The following TPH2 variants were observed in gnomAD, a reference collection of about 807,000 sequenced individuals.
TPH2 encodes the protein tryptophan hydroxylase 2, also known as tryptophan 5-hydroxylase 2.
Under a neutral mutation model 59.1 loss-of-function variants are expected in TPH2, and 27 were observed. The observed-to-expected ratio is 0.46, with a 90% CI of 0.34 to 0.63. The LOEUF (loss-of-function observed/expected upper bound fraction) is 0.63. Among genes scored for constraint, TPH2 ranks in the 30% least tolerant of loss-of-function variants. The pLI is 0.01. For synonymous variants in TPH2, 220 were observed against 210.5 expected, an observed-to-expected ratio of 1.05 and a Z score of -0.39; for missense variants, 523 against 588.3, an observed-to-expected ratio of 0.89 and a Z score of 1.15.
chr12:71,939,122 A>G, intron 1 of TPH2, 31 bp downstream of exon 1: 1 of 1,552,428 alleles, frequency 6.4e-7, no homozygotes, highest in Non-Finnish European at 8.9e-7. Context: ...ACTATGGAGA[A>G]TTATTTTTTA....
chr12:72,017,723 T>C (rs1873297915), intron 8 of TPH2, among the ~76,000 whole-genome samples: 1 of 152,236 alleles, frequency 6.6e-6, no homozygotes, highest in African/African-American at 2.4e-5. Flanking sequence ...CTAGGGAATA[T>C]ATTATAGATC....
rs181099467 is a variant in TPH2 at position 71,948,274 on chromosome 12, T to G, written c.541-1314T>G. 3.2e-3 allele frequency among the ~76,000 whole-genome samples: 487 copies of G among 152,260 alleles called. 1 individual carries two copies. The highest frequency in any genetic ancestry group is 0.017 in the Middle Eastern group (5 of 294). On this transcript the variant is annotated intron_variant, in intron 4 of 10. Coordinates refer to ENST00000333850, the MANE Select transcript of TPH2 (RefSeq NM_173353.4). ...TTTTAGGACTTCACAAGCCTGCCTA[T>G]GAACCCCAGTTTAAAAACTCCCAAT...
At chr12:72,027,893 A>C (rs2139250230) in intron 9 of TPH2, among the ~76,000 whole-genome samples, 1 of 152,178 alleles carries the variant, frequency 6.6e-6, no homozygotes, top group Non-Finnish European at 1.5e-5. Flanking sequence ...TTTCAAGAAG[A>C]GTCTTAGAAT....
chr12:72,031,262 C>T lies in TPH2; in HGVS notation c.1169C>T (p.Ala390Val), dbSNP rs1686188711. 6.2e-7 allele frequency: 1 copy of T among 1,613,250 alleles called. No individual in the cohort carries two copies. Among genetic ancestry groups the T allele is most frequent in the Non-Finnish European group, 8.5e-7 (1 of 1,179,472 alleles). Reference protein sequence around the residue: ...LLSSIGELKHALSDKACVKAF... With the variant: ...LLSSIGELKHVLSDKACVKAF... Reference sequence around the variant, plus strand: ...GTTTTGTGGTATATTTTGCAGCACGCCCTTTCTGACAAGGCATGTGTGAAA... The same window carrying T: ...GTTTTGTGGTATATTTTGCAGCACGTCCTTTCTGACAAGGCATGTGTGAAA... Residue 390 changes from alanine to valine, a missense_variant, in exon 10 of 11, where the codon GCC becomes GTC. Physicochemically the swap from Ala to Val is moderately conservative, Grantham distance 64. Coordinates refer to ENST00000333850, the MANE Select transcript of TPH2 (RefSeq NM_173353.4).
intron 9 of TPH2, 27 bp downstream of exon 9, chr12:72,022,521 T>G (rs368657558): frequency 6.6e-7 from 1 of 1,511,870 alleles, no homozygotes; most frequent in South Asian, 1.1e-5. Context: ...GAAAATACCC[T>G]TCCCATGCAA....
intron 7 of TPH2, among the ~76,000 whole-genome samples, chr12:71,993,306 C>G (rs1872621350): frequency 6.6e-6 from 1 of 152,162 alleles, no homozygotes; most frequent in South Asian, 2.1e-4. Context: ...TGTATTCTAG[C>G]AGCTATTTGA....
At position 72,007,791 on chromosome 12, in the gene TPH2, A is replaced by T. The variant is rs141953300; in HGVS notation, c.1068+13226A>T. On this transcript the variant is annotated intron_variant, in intron 8 of 10. Coordinates refer to ENST00000333850, the MANE Select transcript of TPH2 (RefSeq NM_173353.4). ...ACTTTTTCCTCTTTCAAATCTAATT[A>T]AAGAGTCTTAGTTCTTCCAAGAAAA... Among the ~76,000 whole-genome samples the T allele has an allele frequency of 2.0e-3, 300 of 152,050 alleles. 2 individuals carry two copies. Among genetic ancestry groups the T allele is most frequent in the African/African-American group, 6.3e-3 (262 of 41,446 alleles).
chr12:72,000,073 T>C (rs1872783978), intron 8 of TPH2, among the ~76,000 whole-genome samples: 3 of 152,168 alleles, frequency 2.0e-5, no homozygotes, highest in East Asian at 1.9e-4. Context: ...GCATTGAACA[T>C]GTGTCAAAGA....
rs781560356 is a variant in TPH2 at position 72,031,323 on chromosome 12, C to T, written c.1230C>T (p.Cys410=). ...FDPKTTCLQE[C]LITTFQEAYF... Reference sequence around the variant, plus strand: ...CAAAGACAACTTGCTTACAGGAATGCCTTATCACCACCTTCCAGGAAGCCT... The same window carrying T: ...CAAAGACAACTTGCTTACAGGAATGTCTTATCACCACCTTCCAGGAAGCCT... The change falls in exon 10 of 11, where the codon TGC becomes TGT. Residue 410 remains cysteine (C), a synonymous_variant. Coordinates refer to ENST00000333850, the MANE Select transcript of TPH2 (RefSeq NM_173353.4). The T allele has an allele frequency of 6.2e-7, 1 of 1,613,652 alleles. No individual in the cohort carries two copies. Among genetic ancestry groups the T allele is most frequent in the Non-Finnish European group, 8.5e-7 (1 of 1,179,668 alleles).
At chr12:71,970,533 C>T (rs1203942955) in intron 5 of TPH2, among the ~76,000 whole-genome samples, 1 of 152,224 alleles carries the variant, frequency 6.6e-6, no homozygotes, top group Non-Finnish European at 1.5e-5. Flanking sequence ...CTCAATATTT[C>T]CTTTATTGTC....
Position 71,973,758 on chromosome 12 carries a change from G to A in TPH2, c.805+1043G>A, listed in dbSNP as rs1872039793. Among the ~76,000 whole-genome samples, 4 of 152,174 alleles carry A rather than the reference G, an allele frequency of 2.6e-5. No individual in the cohort carries two copies. The South Asian group carries it at 8.3e-4, about 32-fold the overall frequency. On this transcript the variant is annotated intron_variant, in intron 6 of 10. Transcript: ENST00000333850. ...AATCCTCACTTGGGGTCTGGAATGG[G>A]ACCCCTTTCTGGTCACACAACTAGT...
chr12:71,966,838 GTTC>G (rs569889101), intron 5 of TPH2, among the ~76,000 whole-genome samples: 239 of 152,224 alleles, frequency 1.6e-3, no homozygotes, highest in African/African-American at 5.2e-3. Context: ...CCACACTGAA[GTTC>G]TTCTAAAGAT....
intron 7 of TPH2, among the ~76,000 whole-genome samples, chr12:71,982,012 C>T (rs1368147763): frequency 4.8e-4 from 26 of 53,986 alleles, no homozygotes; most frequent in Admixed American, 1.4e-3. Flanking sequence ...TCATATCATT[C>T]GTATTTTTTT....
chr12:71,946,293 G>T (rs2129575), intron 4 of TPH2, among the ~76,000 whole-genome samples: 39,065 of 152,032 alleles, frequency 0.26, 5,446 homozygotes, highest in East Asian at 0.53. Flanking sequence ...GGACACTAAA[G>T]GATTTTTTGA....
intron 4 of TPH2, among the ~76,000 whole-genome samples, chr12:71,946,205 A>T (rs1871192973): frequency 6.6e-6 from 1 of 152,208 alleles, no homozygotes; most frequent in African/African-American, 2.4e-5. Context: ...TAATAAAACA[A>T]CTGGAAAGCA....
intron 8 of TPH2, among the ~76,000 whole-genome samples, chr12:72,014,239 A>G (rs570129784): frequency 6.6e-6 from 1 of 152,304 alleles, no homozygotes; most frequent in South Asian, 2.1e-4. Flanking sequence ...ACTCTGGACC[A>G]GCCCTAACAT....
Position 71,949,442 on chromosome 12 carries a change from T to C in TPH2, c.541-146T>C, listed in dbSNP as rs975563098. On this transcript the variant is annotated intron_variant, in intron 4 of 10. Coordinates refer to ENST00000333850, the MANE Select transcript of TPH2 (RefSeq NM_173353.4). ...GAGGTTTTACTGTAAGCACAATTTG[T>C]TTCTGTCTGTGTCATCAAGATGGCC... The C allele has an allele frequency of 6.1e-6, 4 of 658,450 alleles. No individual in the cohort carries two copies. In the African/African-American group the frequency reaches 7.2e-5, roughly 12 times the overall value. 40.8% of individuals were successfully genotyped at this position (658,450 alleles called of 1,614,324 possible).
intron 5 of TPH2, among the ~76,000 whole-genome samples, chr12:71,959,798 TG>T (rs151161544): frequency 1.5e-4 from 23 of 151,384 alleles, no homozygotes; most frequent in East Asian, 7.8e-4. Context: ...AAAACTTAAT[TG>T]GGGGGGGCGT....
intron 8 of TPH2, among the ~76,000 whole-genome samples, chr12:72,015,897 G>A (rs1040438856): frequency 6.6e-6 from 1 of 152,150 alleles, no homozygotes; most frequent in Admixed American, 6.6e-5. Context: ...TGGGGTCATG[G>A]GGAGCATAAG....
Sources: gnomAD v4.1 joint callset for allele counts (sites outside exome capture counted in the v4.1 genomes callset) on GRCh38, gnomAD v4.1.1 for gene constraint, MANE v1.5 for transcripts, NCBI Gene and HGNC (gene_info 2026-07-23, HGNC 2026-07-21) for gene names.